Variants in AUH observed in about 807,000 individuals in gnomAD.
AUH encodes methylglutaconyl-CoA hydratase, mitochondrial.
In AUH, 29 loss-of-function variants were observed where a neutral mutation model predicts 42.3. The observed-to-expected ratio is 0.69, with a 90% confidence interval of 0.51 to 0.93. The LOEUF is 0.93. Ranked by LOEUF, AUH falls within the 40% of genes least tolerant of loss-of-function variation. The pLI, the probability that AUH is intolerant of heterozygous loss-of-function variation, is 0.00. For missense variants in AUH, 452 were observed against 438.1 expected (o/e 1.03, Z -0.28); for synonymous variants, 174 against 166.4 (o/e 1.05, Z -0.35).
chr9:91,294,686 C>A (rs1442884049), intron 6 of AUH: 2 of 455,950 alleles, frequency 4.4e-6, no homozygotes, highest in Non-Finnish European at 8.8e-6. Flanking sequence ...TAAGAACATT[C>A]ATGATTCATG....
At position 91,236,846 on chromosome 9, in the gene AUH, C is replaced by T. The variant is rs573190638; in HGVS notation, c.656-15854G>A. On this transcript the variant is annotated intron_variant, in intron 6 of 9. Coordinates refer to ENST00000375731, the MANE Select transcript of AUH (RefSeq NM_001698.3). ...AGCAAATATTTGAATACTGAGAACC[C>T]ATCATTTTTAAATAGGAAAAATAGT... is the stretch of plus-strand genomic sequence containing the variant. Among the ~76,000 whole-genome samples, 8 of 152,222 alleles carry T rather than the reference C, an allele frequency of 5.3e-5. No homozygotes were observed. In the East Asian group the frequency reaches 7.7e-4, roughly 15 times the overall value.
At chr9:91,304,133 A>G (rs531881535) in intron 4 of AUH, among the ~76,000 whole-genome samples, 10 of 152,356 alleles carry the variant, frequency 6.6e-5, no homozygotes, top group Admixed American at 4.6e-4. Context: ...GAAAAATTCT[A>G]CAAGTTGTTG....
At chr9:91,320,584 G>A (rs1041107980) in intron 4 of AUH, among the ~76,000 whole-genome samples, 2 of 152,222 alleles carry the variant, frequency 1.3e-5, no homozygotes, top group African/African-American at 4.8e-5. Context: ...CATCCCTGGA[G>A]TCTCTCTGAA....
At chr9:91,223,084 CTT>C (rs777140986) in intron 6 of AUH, among the ~76,000 whole-genome samples, 2 of 152,202 alleles carry the variant, frequency 1.3e-5, no homozygotes, top group Non-Finnish European at 2.9e-5. Context: ...CAGCTGGATG[CTT>C]TGTTTCTTAA....
At chr9:91,244,221 A>G (rs1828673071) in intron 6 of AUH, among the ~76,000 whole-genome samples, 1 of 152,174 alleles carries the variant, frequency 6.6e-6, no homozygotes, top group African/African-American at 2.4e-5. Context: ...ACCAACAACT[A>G]TTGCTTCTTT....
At chr9:91,245,759 A>C (rs993874542) in intron 6 of AUH, among the ~76,000 whole-genome samples, 4 of 152,298 alleles carry the variant, frequency 2.6e-5, no homozygotes, top group Admixed American at 1.3e-4. Flanking sequence ...GAGAAAACGG[A>C]GGCCTAAGGT....
chr9:91,304,769 T>G (rs1564082881), intron 4 of AUH, among the ~76,000 whole-genome samples: 1 of 152,220 alleles, frequency 6.6e-6, no homozygotes, highest in East Asian at 1.9e-4. Context: ...TAAAACAGCT[T>G]AATGAAGTAA....
intron 3 of AUH, among the ~76,000 whole-genome samples, chr9:91,352,886 G>A (rs1246188888): frequency 2.6e-5 from 4 of 152,158 alleles, no homozygotes; most frequent in Non-Finnish European, 4.4e-5. Context: ...AATAAGAGGA[G>A]TTCCTATGCT....
At chr9:91,222,209 AT>A (rs1827171382) in intron 6 of AUH, among the ~76,000 whole-genome samples, 1 of 152,238 alleles carries the variant, frequency 6.6e-6, no homozygotes, top group Non-Finnish European at 1.5e-5. Context: ...AAGCAAAATC[AT>A]TTTTTGTTCA....
intron 6 of AUH, among the ~76,000 whole-genome samples, chr9:91,260,196 CTTTTAG>C (rs1168214774): frequency 1.3e-5 from 2 of 152,026 alleles, no homozygotes; most frequent in African/African-American, 4.8e-5. Context: ...TCCTTCTATC[CTTTTAG>C]TTTTAAACCT....
At chr9:91,257,103 C>A (rs906631037) in intron 6 of AUH, among the ~76,000 whole-genome samples, 1 of 152,072 alleles carries the variant, frequency 6.6e-6, no homozygotes, top group African/African-American at 2.4e-5. Context: ...GAAACTTTGC[C>A]ATAAGGCCAT....
intron 6 of AUH, among the ~76,000 whole-genome samples, chr9:91,269,631 C>T (rs774090310): frequency 3.3e-5 from 5 of 152,120 alleles, no homozygotes; most frequent in African/African-American, 4.8e-5. Context: ...CAAGTTTAGT[C>T]ATGTTATACT....
chr9:91,281,580 C>G (rs1361397872), intron 6 of AUH, among the ~76,000 whole-genome samples: 1 of 152,196 alleles, frequency 6.6e-6, no homozygotes, highest in African/African-American at 2.4e-5. Flanking sequence ...GAAGCCAACA[C>G]GTCCAAAACA....
chr9:91,245,967 T>G (rs1433356450), intron 6 of AUH, among the ~76,000 whole-genome samples: 1 of 152,186 alleles, frequency 6.6e-6, no homozygotes, highest in Non-Finnish European at 1.5e-5. Context: ...AGAGACCTAC[T>G]GTCCTAAAAT....
intron 6 of AUH, among the ~76,000 whole-genome samples, chr9:91,232,410 C>T (rs148966998): frequency 2.6e-4 from 40 of 152,198 alleles, no homozygotes; most frequent in African/African-American, 8.4e-4. Context: ...TCACATTGTG[C>T]CCCATAAATA....
In AUH at chr9:91,309,292, G is replaced by A. The variant is rs550954489; in HGVS notation, c.506-11216C>T. Among the ~76,000 whole-genome samples the A allele has an allele frequency of 2.0e-5, 3 of 151,936 alleles. No homozygotes were observed. In the East Asian group the frequency reaches 5.9e-4, roughly 30 times the overall value. On this transcript the variant is annotated intron_variant, in intron 4 of 9. Transcript: ENST00000375731. ...AACACTGGGGATTACAATTCAACAT[G>A]AGATTTGGGTGGTGCCAAATACACA...
chr9:91,270,358 G>A (rs1825014839), intron 6 of AUH, among the ~76,000 whole-genome samples: 1 of 152,172 alleles, frequency 6.6e-6, no homozygotes. Context: ...CACCCAAAGA[G>A]AAAGGAGGTG....
intron 3 of AUH, among the ~76,000 whole-genome samples, chr9:91,353,731 G>A (rs1018647322): frequency 6.7e-5 from 10 of 149,904 alleles, no homozygotes; most frequent in Admixed American, 2.7e-4. Context: ...CCAGCTACTC[G>A]GGAGGCTGAG....
intron 4 of AUH, among the ~76,000 whole-genome samples, chr9:91,309,105 TAA>T: frequency 6.6e-6 from 1 of 151,426 alleles, no homozygotes; most frequent in Non-Finnish European, 1.5e-5. Flanking sequence ...ACTTTTATCT[TAA>T]ATGTATTATG....
Sources: gnomAD v4.1 joint callset for allele counts (sites outside exome capture counted in the v4.1 genomes callset) on GRCh38, gnomAD v4.1.1 for gene constraint, MANE v1.5 for transcripts, NCBI Gene and HGNC (gene_info 2026-07-23, HGNC 2026-07-21) for gene names.